ZFHX3: variants seen among roughly 807,000 people sequenced by gnomAD.
ZFHX3 encodes zinc finger homeobox protein 3.
A neutral mutation model predicts 279.1 loss-of-function variants in ZFHX3; 42 were observed. The observed-to-expected ratio is 0.15, with a 90% confidence interval of 0.12 to 0.19. The LOEUF is 0.19. Ranked by LOEUF, ZFHX3 falls within the 10% of genes least tolerant of loss-of-function variation. The probability of loss-of-function intolerance (pLI) is 1.00; values close to 1 mark genes in which losing one functional copy is unlikely to be tolerated. For missense variants in ZFHX3, 4,981 were observed against 4,754.0 expected (o/e 1.05, Z -1.40); for synonymous variants, 2,293 against 1,957.8 (o/e 1.17, Z -4.52).
At chr16:72,801,971 A>G (rs896288046) in intron 7 of ZFHX3, among the ~76,000 whole-genome samples, 1 of 152,098 alleles carries the variant, frequency 6.6e-6, no homozygotes, top group Non-Finnish European at 1.5e-5. Context: ...CTGCAAGATC[A>G]GTCCTTTCCT....
intron 5 of ZFHX3, among the ~76,000 whole-genome samples, chr16:73,246,579 A>G (rs2013286729): frequency 6.6e-6 from 1 of 152,112 alleles, no homozygotes; most frequent in African/African-American, 2.4e-5. Flanking sequence ...TTCCCAGCTG[A>G]ACATATCTCT....
chr16:73,494,231 C>T (rs2019099077), intron 2 of ZFHX3, among the ~76,000 whole-genome samples: 1 of 152,198 alleles, frequency 6.6e-6, no homozygotes, highest in African/African-American at 2.4e-5. Context: ...GTAATGTCTA[C>T]ATCAATACGG....
intron 3 of ZFHX3, 41 bp downstream of exon 3, chr16:72,950,427 CT>C: frequency 6.3e-7 from 1 of 1,593,936 alleles, no homozygotes; most frequent in Non-Finnish European, 8.6e-7. Context: ...CAACCCCCTC[CT>C]TTCAGAAAGA....
At chr16:73,058,239 TCGGCGGCGGCGG>T (rs1166220874) in intron 1 of ZFHX3, among the ~76,000 whole-genome samples, 2 of 136,196 alleles carry the variant, frequency 1.5e-5, no homozygotes, top group Non-Finnish European at 3.2e-5. Flanking sequence ...CGGCCCGGGC[TCGGCGGCGGCGG>T]CGGCGGCAGC....
chr16:73,383,131 C>T (rs1597310525), intron 3 of ZFHX3, among the ~76,000 whole-genome samples: 1 of 152,226 alleles, frequency 6.6e-6, no homozygotes, highest in East Asian at 1.9e-4. Context: ...TCTCTTAAGG[C>T]TTGGGGACCC....
rs1384632006 is a variant in ZFHX3 at position 72,959,319 on chromosome 16, C to T, written c.827G>A (p.Gly276Asp). 6.2e-7 allele frequency: 1 copy of T among 1,614,218 alleles called. No homozygotes were observed. Among genetic ancestry groups the T allele is most frequent in the Admixed American group, 1.7e-5 (1 of 60,034 alleles). ...LSKFDGFVLY[G>D]KRKPILMCFL... is the part of the protein sequence containing the mutation. Reference sequence around the variant, plus strand: ...ACACATCAGGATGGGCTTCCTCTTGCCATAGAGCACAAAGCCATCGAATTT... The same window carrying T: ...ACACATCAGGATGGGCTTCCTCTTGTCATAGAGCACAAAGCCATCGAATTT... The change falls in exon 2 of 10, where the codon GGC becomes GAC. Residue 276 changes from glycine (G) to aspartate (D), a missense_variant. Physicochemically the swap from Gly to Asp is moderately conservative, Grantham distance 94. This residue lies in a region of ZFHX3 where 1,068 missense variants were observed against 935.2 expected (regional missense o/e 1.14). Coordinates refer to ENST00000268489, the MANE Select transcript of ZFHX3 (RefSeq NM_006885.4).
intron 7 of ZFHX3, among the ~76,000 whole-genome samples, chr16:73,124,694 A>T (rs1966541062): frequency 6.6e-6 from 1 of 152,178 alleles, no homozygotes; most frequent in Non-Finnish European, 1.5e-5. Flanking sequence ...ACATCTACAA[A>T]GATGTGGTCA....
At chr16:72,949,738 C>G (rs34381918) in intron 3 of ZFHX3, among the ~76,000 whole-genome samples, 38,729 of 149,562 alleles carry the variant, frequency 0.26, 5,193 homozygotes, top group Non-Finnish European at 0.29. Context: ...ACACAGAACC[C>G]AGGAAGCAAC....
intron 2 of ZFHX3, among the ~76,000 whole-genome samples, chr16:73,617,272 T>C (rs1014806779): frequency 6.6e-6 from 1 of 152,218 alleles, no homozygotes; most frequent in African/African-American, 2.4e-5. Context: ...GTGGCTGACT[T>C]CTGATCAAGC....
At chr16:72,981,629 T>C (rs919376149) in intron 1 of ZFHX3, among the ~76,000 whole-genome samples, 1 of 152,202 alleles carries the variant, frequency 6.6e-6, no homozygotes, top group African/African-American at 2.4e-5. Context: ...TGTGGCTCTG[T>C]AGGTAAACGG....
rs138845163 is a variant in ZFHX3 at position 73,790,184 on chromosome 16, G to A, written c.-1608+101467C>T. On this transcript the variant is annotated intron_variant, in intron 1 of 17. Coordinates refer to the ZFHX3 transcript ENST00000641206. ...TAGTAACAAAAAAATTGTCCTAATTGTTGGCACTTCTCTCAAATTCAGAAT... is the reference window on the plus strand; with the variant it reads ...TAGTAACAAAAAAATTGTCCTAATTATTGGCACTTCTCTCAAATTCAGAAT... Among the ~76,000 whole-genome samples, 19 of 151,984 alleles carry A rather than the reference G, an allele frequency of 1.3e-4. No homozygotes were observed. In the East Asian group the frequency reaches 3.5e-3, roughly 28 times the overall value.
chr16:73,691,113 T>C (rs71388983), intron 1 of ZFHX3, among the ~76,000 whole-genome samples: 4,566 of 152,312 alleles, frequency 0.03, 90 homozygotes, highest in Middle Eastern at 0.048. Context: ...TCTTGGTTAT[T>C]AACAACAAAT....
rs144169429 is a variant in ZFHX3, at chr16:73,649,664, G to A, written c.-1547+30516C>T. 3.7e-4 allele frequency among the ~76,000 whole-genome samples: 57 copies of A among 152,262 alleles called. 1 individual carries two copies. Among genetic ancestry groups the A allele is most frequent in the Middle Eastern group, 6.8e-3 (2 of 294 alleles). The stretch of plus-strand genomic sequence containing the variant: ...TTTGGGTCAGCAAATCCAGTGCACC[G>A]TGCTTCCTAGCCAGTTAGATTCTTT... On this transcript the variant is annotated intron_variant, in intron 2 of 17. Transcript: ENST00000641206.
chr16:73,844,936 G>T (rs1567428523), intron 1 of ZFHX3, among the ~76,000 whole-genome samples: 1 of 151,936 alleles, frequency 6.6e-6, no homozygotes, highest in East Asian at 1.9e-4. Context: ...TAAAAATGGG[G>T]CACTCAACCC....
chr16:73,061,659 C>T (rs2144744461), upstream of ZFHX3: 1 of 151,980 alleles, frequency 6.6e-6, no homozygotes, highest in Admixed American at 6.5e-5. Context: ...TTGTTCAGAC[C>T]CTCAGGAATA....
At chr16:73,883,976 C>T (rs552554829) in intron 1 of ZFHX3, among the ~76,000 whole-genome samples, 27 of 152,082 alleles carry the variant, frequency 1.8e-4, no homozygotes, top group Non-Finnish European at 3.1e-4. Context: ...ATCAAGTTCC[C>T]TTCTTTTTCT....
chr16:73,334,136 G>A (rs1353004621), intron 3 of ZFHX3, among the ~76,000 whole-genome samples: 1 of 152,212 alleles, frequency 6.6e-6, no homozygotes, highest in Non-Finnish European at 1.5e-5. Flanking sequence ...AAAGGCAGCA[G>A]GGCCAGGAGA....
At chr16:73,772,497 G>A (rs569283560) in intron 1 of ZFHX3, among the ~76,000 whole-genome samples, 63 of 152,314 alleles carry the variant, frequency 4.1e-4, no homozygotes, top group Middle Eastern at 3.4e-3. Flanking sequence ...GAGAATTCAA[G>A]ATGAGATTTA....
At chr16:73,756,948 A>G (rs1438792876) in intron 1 of ZFHX3, among the ~76,000 whole-genome samples, 4 of 152,138 alleles carry the variant, frequency 2.6e-5, no homozygotes, top group Admixed American at 6.5e-5. Context: ...ACATTTTTCT[A>G]GTTATGGTTA....
Sources: allele counts gnomAD v4.1 joint callset (sites outside exome capture counted in the v4.1 genomes callset), GRCh38; gene constraint gnomAD v4.1.1; regional missense constraint gnomAD v4.1.1; transcripts MANE v1.5; gene names NCBI Gene and HGNC (gene_info 2026-07-23, HGNC 2026-07-21).